Variants in AGAP1 observed in about 807,000 individuals in gnomAD.
AGAP1 encodes ArfGAP with GTPase domain, ankyrin repeat and PH domain 1.
AGAP1 carries 29 observed loss-of-function variants against 105.3 expected under a neutral mutation model. The observed-to-expected ratio is 0.28, with a 90% CI of 0.21 to 0.38. The LOEUF is 0.38. Among genes scored for constraint, AGAP1 ranks in the 10% least tolerant of loss-of-function variants. AGAP1 has a pLI of 1.00. For missense variants in AGAP1, 998 were observed against 1,165.1 expected (o/e 0.86, Z 2.09); for synonymous variants, 509 against 485.9 (o/e 1.05, Z -0.63).
rs972042639 is a variant in AGAP1 at position 236,045,619 on chromosome 2, G to A, written c.1892-3440G>A. Among the ~76,000 whole-genome samples the A allele has an allele frequency of 5.1e-4, 78 of 152,352 alleles. No homozygotes were observed. Among genetic ancestry groups the A allele is most frequent in the Non-Finnish European group, 1.0e-3 (70 of 68,034 alleles). The stretch of plus-strand genomic sequence containing the variant: ...GCCGCCCTGGGGCTGTGGGACCAGC[G>A]GGGCCTGAAGCCAGGTGGAGGGGCA... On this transcript the variant is annotated intron_variant, in intron 15 of 17. Transcript: ENST00000304032. This position sits in a 1 kb window ranked among gnomAD's most constrained non-coding sequence, Gnocchi z 6.9.
chr2:235,784,018 TAAAG>T (rs1299523867), intron 6 of AGAP1, among the ~76,000 whole-genome samples: 2 of 152,144 alleles, frequency 1.3e-5, no homozygotes, highest in African/African-American at 2.4e-5. Flanking sequence ...AGATATATAA[TAAAG>T]CAAGTATGTA....
At chr2:235,810,410 A>T (rs1320587224) in intron 9 of AGAP1, among the ~76,000 whole-genome samples, 1 of 152,166 alleles carries the variant, frequency 6.6e-6, no homozygotes, top group African/African-American at 2.4e-5. Flanking sequence ...ATGGCAGAGG[A>T]GTCGTTTTAG....
chr2:235,960,142 G>T lies in AGAP1; in HGVS notation c.1484-8320G>T, dbSNP rs73996651. Among the ~76,000 whole-genome samples the T allele has an allele frequency of 0.063, 9,571 of 152,180 alleles. 978 individuals carry two copies. The highest frequency in any genetic ancestry group is 0.22 in the African/African-American group (9,107 of 41,454). On this transcript the variant is annotated intron_variant, in intron 12 of 17. Transcript: ENST00000304032. The surrounding 1 kb of genome is among the most constrained non-coding windows in gnomAD (Gnocchi z 4.9). ...GGAGGGTGCTTGCGGACCCACCCTG[G>T]AGGACCTCGGCCCTGTAAGCAGCAG... is the stretch of plus-strand genomic sequence containing the variant.
intron 1 of AGAP1, among the ~76,000 whole-genome samples, chr2:235,641,540 C>T (rs938571329): frequency 3.9e-5 from 6 of 152,188 alleles, no homozygotes; most frequent in East Asian, 1.9e-4. Flanking sequence ...GAGTGGGTTG[C>T]GTGGCCCGTC....
chr2:235,896,575 G>C (rs1181025817), intron 10 of AGAP1, among the ~76,000 whole-genome samples: 1 of 152,186 alleles, frequency 6.6e-6, no homozygotes, highest in African/African-American at 2.4e-5. Flanking sequence ...TAACATGCAT[G>C]GTGGTCTGGA....
chr2:235,707,081 T>C (rs1038987870), intron 1 of AGAP1, among the ~76,000 whole-genome samples: 1 of 152,346 alleles, frequency 6.6e-6, no homozygotes, highest in Non-Finnish European at 1.5e-5. Context: ...TGCACAATTA[T>C]GCAAAATTTT....
At position 236,060,916 on chromosome 2, in the gene AGAP1, A is replaced by T. The variant is rs7558330; in HGVS notation, c.2114+11635A>T. The stretch of plus-strand genomic sequence containing the variant: ...ACCTCTACAAAAACTTTTAAAAATT[A>T]GCTGGGCACAGTGGGGCACACCTGT... On this transcript the variant is annotated intron_variant, in intron 16 of 17. Coordinates refer to ENST00000304032, the MANE Select transcript of AGAP1 (RefSeq NM_001037131.3). Among the ~76,000 whole-genome samples the T allele has an allele frequency of 9.3e-3, 1,414 of 152,042 alleles. 21 individuals are homozygous for T. The highest frequency in any genetic ancestry group is 0.032 in the African/African-American group (1,311 of 41,486).
chr2:235,630,618 A>T (rs1218293974), intron 1 of AGAP1, among the ~76,000 whole-genome samples: 1 of 152,148 alleles, frequency 6.6e-6, no homozygotes, highest in Non-Finnish European at 1.5e-5. Context: ...TGTTACTGGT[A>T]AGCTGTATTT....
intron 13 of AGAP1, among the ~76,000 whole-genome samples, chr2:235,998,657 GTGGTGGTGGTGGTGGTGGTGACGA>G (rs2055919740): frequency 6.6e-6 from 1 of 151,964 alleles, no homozygotes; most frequent in Non-Finnish European, 1.5e-5. Context: ...ATGGTGAGAG[GTGGTGGTGGTGGTGGTGGTGACGA>G]TGGTGGTGGT....
intron 6 of AGAP1, among the ~76,000 whole-genome samples, chr2:235,772,403 G>A (rs13383318): frequency 8.4e-4 from 128 of 152,280 alleles, no homozygotes; most frequent in African/African-American, 3.1e-3. Context: ...AAAGACAGCT[G>A]TTGACAAATA....
rs565510238 is a variant in AGAP1 at position 235,614,532 on chromosome 2, C to T, written c.164-94647C>T. Reference sequence around the variant, plus strand: ...GGGGTGGGGGCTTTGCTCTTTAGCCCGTGAGCAGTGGAAAGTCATTGAATG... The same window carrying T: ...GGGGTGGGGGCTTTGCTCTTTAGCCTGTGAGCAGTGGAAAGTCATTGAATG... On this transcript the variant is annotated intron_variant, in intron 1 of 17. Transcript: ENST00000304032. This position sits in a 1 kb window ranked among gnomAD's most constrained non-coding sequence, Gnocchi z 4.7. 3.3e-5 allele frequency among the ~76,000 whole-genome samples: 5 copies of T among 152,116 alleles called. No homozygotes were observed. The highest frequency in any genetic ancestry group is 9.7e-5 in the African/African-American group (4 of 41,400).
At chr2:235,748,610 C>G (rs578018570) in intron 5 of AGAP1, among the ~76,000 whole-genome samples, 1 of 151,984 alleles carries the variant, frequency 6.6e-6, no homozygotes, top group African/African-American at 2.4e-5. Context: ...CTTCCAGTAA[C>G]GAGGAAACGT....
chr2:236,088,683 A>T (rs201981181), intron 16 of AGAP1, among the ~76,000 whole-genome samples: 1 of 152,224 alleles, frequency 6.6e-6, no homozygotes, highest in East Asian at 1.9e-4. Context: ...ATTTTTGTAA[A>T]CTAAGTCCAG....
intron 9 of AGAP1, among the ~76,000 whole-genome samples, chr2:235,873,888 C>T (rs966161068): frequency 3.9e-5 from 6 of 152,064 alleles, no homozygotes; most frequent in East Asian, 3.9e-4. Context: ...CCCCCACACC[C>T]GGCTAATTTG....
chr2:235,978,712 C>T (rs1234591709), intron 13 of AGAP1, among the ~76,000 whole-genome samples: 1 of 152,192 alleles, frequency 6.6e-6, no homozygotes, highest in Non-Finnish European at 1.5e-5. Flanking sequence ...CTCTTACTCT[C>T]AATCCTGTGG....
At position 235,989,329 on chromosome 2, in the gene AGAP1, A is replaced by G. The variant is rs1035333352; in HGVS notation, c.1645+20706A>G. ...CATCTGGTGACTTTGCAAGCTCACA[A>G]TGTCCTGAATGAAAACCTAGTTCCT... On this transcript the variant is annotated intron_variant, in intron 13 of 17. Transcript: ENST00000304032. This position sits in a 1 kb window ranked among gnomAD's most constrained non-coding sequence, Gnocchi z 4.4. Among the ~76,000 whole-genome samples the G allele has an allele frequency of 6.6e-5, 10 of 152,202 alleles. No homozygotes were observed. Among genetic ancestry groups the G allele is most frequent in the African/African-American group, 1.9e-4 (8 of 41,446 alleles).
At chr2:235,938,132 G>A (rs558561776) in intron 12 of AGAP1, among the ~76,000 whole-genome samples, 9 of 152,294 alleles carry the variant, frequency 5.9e-5, no homozygotes, top group African/African-American at 2.2e-4. Flanking sequence ...TGCCACCAGC[G>A]TAGATGTGAT....
At chr2:235,684,601 G>A (rs1559347677) in intron 1 of AGAP1, among the ~76,000 whole-genome samples, 1 of 152,178 alleles carries the variant, frequency 6.6e-6, no homozygotes, top group Admixed American at 6.5e-5. Context: ...TCTTAGAAAT[G>A]AGTGAGTCTT....
chr2:235,753,015 C>G lies in AGAP1; in HGVS notation c.673+2527C>G, dbSNP rs567527417. ...CAGAGGACACAAGCCCTCGCCAGTC[C>G]CTTCCCATAAAGGCACTTAACCCAT... On this transcript the variant is annotated intron_variant, in intron 6 of 17. Transcript: ENST00000304032. The surrounding 1 kb of genome is among the most constrained non-coding windows in gnomAD (Gnocchi z 4.5). Among the ~76,000 whole-genome samples the G allele has an allele frequency of 3.3e-5, 5 of 152,282 alleles. No individual in the cohort carries two copies. Among genetic ancestry groups the G allele is most frequent in the Non-Finnish European group, 7.3e-5 (5 of 68,046 alleles).
Sources: gnomAD v4.1 joint callset for allele counts (sites outside exome capture counted in the v4.1 genomes callset) on GRCh38, gnomAD v4.1.1 for gene constraint, Gnocchi (gnomAD v3.1) non-coding constraint, MANE v1.5 for transcripts, NCBI Gene and HGNC (gene_info 2026-07-23, HGNC 2026-07-21) for gene names.